HACD3: variants seen among roughly 807,000 people sequenced by gnomAD.
HACD3 encodes 3-hydroxyacyl-CoA dehydratase 3.
HACD3 carries 30 observed loss-of-function variants against 55.2 expected under a neutral mutation model. The ratio of observed to expected loss-of-function variants is 0.54; its 90% CI spans 0.41 to 0.74. HACD3 has a LOEUF of 0.74. Among genes scored for constraint, HACD3 ranks in the 30% least tolerant of loss-of-function variants. HACD3 has a pLI of 0.00. For synonymous variants in HACD3, 141 were observed against 151.7 expected (o/e 0.93, Z 0.52); for missense variants, 363 against 440.1 (o/e 0.82, Z 1.57).
At chr15:65,558,770 TG>T (rs764805225) in intron 5 of HACD3, 39 bp downstream of exon 5, 3 of 1,567,552 alleles carry the variant, frequency 1.9e-6, no homozygotes, top group South Asian at 2.3e-5. Context: ...CCAGTTAACT[TG>T]TGCTAGTGTT....
intron 4 of HACD3, among the ~76,000 whole-genome samples, chr15:65,557,557 A>C (rs1006296936): frequency 6.6e-6 from 1 of 151,696 alleles, no homozygotes; most frequent in Non-Finnish European, 1.5e-5. Context: ...GGTGACGCTT[A>C]TCAGGTTTCT....
intron 1 of HACD3, among the ~76,000 whole-genome samples, chr15:65,541,533 G>A (rs1366072413): frequency 2.0e-5 from 3 of 152,178 alleles, no homozygotes; most frequent in Non-Finnish European, 4.4e-5. Flanking sequence ...ATAGGATTTG[G>A]GCTTTGATTA....
chr15:65,556,807 G>A lies in HACD3; in HGVS notation c.273G>A (p.Glu91=), dbSNP rs893016777. The change falls in exon 4 of 11, where the codon GAG becomes GAA. Residue 91 remains glutamate (E), a synonymous_variant. Transcript: ENST00000261875. ...TVQKKVSQWW[E]RLTKQEKRPL... is the part of the protein sequence containing the mutation. ...AGAAGAAAGTGAGTCAGTGGTGGGA[G>A]AGACTCACAAAGCAGGAAAAGCGAC... 4 of 1,612,234 alleles carry A rather than the reference G, an allele frequency of 2.5e-6. No homozygotes were observed. In the African/African-American group the frequency reaches 5.3e-5, roughly 22 times the overall value.
At chr15:65,537,935 A>G (rs1356421083) in intron 1 of HACD3, among the ~76,000 whole-genome samples, 22 of 11,294 alleles carry the variant, frequency 1.9e-3, no homozygotes, top group East Asian at 6.0e-3. Context: ...AACTTCTCAG[A>G]AAAAAAAAAA....
At chr15:65,532,282 T>C (rs766550459) in intron 1 of HACD3, among the ~76,000 whole-genome samples, 4 of 152,078 alleles carry the variant, frequency 2.6e-5, no homozygotes, top group Non-Finnish European at 4.4e-5. Context: ...CTTTTGTAGA[T>C]GGGGATCAAA....
intron 4 of HACD3, among the ~76,000 whole-genome samples, chr15:65,557,657 G>T (rs185659478): frequency 1.9e-4 from 29 of 152,230 alleles, no homozygotes; most frequent in Admixed American, 1.7e-3. Context: ...TATGCTTCCT[G>T]TCCTTTAGAT....
intron 1 of HACD3, among the ~76,000 whole-genome samples, chr15:65,550,400 A>G (rs1226913432): frequency 6.6e-6 from 1 of 152,148 alleles, no homozygotes; most frequent in African/African-American, 2.4e-5. Flanking sequence ...AATATTAAAC[A>G]AGTTCATATC....
intron 5 of HACD3, among the ~76,000 whole-genome samples, chr15:65,561,249 C>T (rs931000951): frequency 1.3e-5 from 2 of 152,078 alleles, no homozygotes; most frequent in African/African-American, 2.4e-5. Context: ...GGCAGATCAC[C>T]TGAGGTTAGG....
intron 7 of HACD3, chr15:65,566,139 T>TCA (rs2072288600): frequency 6.6e-6 from 1 of 152,290 alleles, no homozygotes; most frequent in African/African-American, 2.4e-5. Flanking sequence ...ATTGTTCATA[T>TCA]CACTATCAGC....
At chr15:65,553,701 T>A (rs920732766) in intron 2 of HACD3, among the ~76,000 whole-genome samples, 2 of 152,238 alleles carry the variant, frequency 1.3e-5, no homozygotes, top group African/African-American at 4.8e-5. Context: ...AGACCTTATA[T>A]ACTGTCCTAC....
intron 10 of HACD3, among the ~76,000 whole-genome samples, chr15:65,575,552 T>C (rs1307233608): frequency 6.6e-6 from 1 of 152,044 alleles, no homozygotes; most frequent in Non-Finnish European, 1.5e-5. Context: ...GTGCATTTCA[T>C]TGTAAATTTT....
chr15:65,537,954 AAAAAATATATATATATATATATATATAT>A lies in HACD3; in HGVS notation c.87+7238_87+7265del, dbSNP rs1183133033. The stretch of plus-strand genomic sequence containing the variant: ...TCTCAGAAAAAAAAAAAAAAAAAAA[AAAAAATATATATATATATATATATATAT>A]ATATATATATATATATATGTATATT... On this transcript the variant is annotated intron_variant, in intron 1 of 10. Coordinates refer to ENST00000261875, the MANE Select transcript of HACD3 (RefSeq NM_016395.4). Among the ~76,000 whole-genome samples the A allele has an allele frequency of 7.2e-3, 59 of 8,212 alleles. 2 individuals carry two copies. The highest frequency in any genetic ancestry group is 0.063 in the South Asian group (17 of 268). 5.4% of individuals were successfully genotyped at this position (8,212 alleles called of 152,430 possible). A position where few individuals can be genotyped will look rare whatever the true frequency, so the allele number is the denominator to read the frequency against.
At chr15:65,566,041 A>C (rs2072287710) in intron 7 of HACD3, 2 of 152,230 alleles carry the variant, frequency 1.3e-5, no homozygotes, top group Non-Finnish European at 2.9e-5. Flanking sequence ...TCTTTGCTAA[A>C]ATATAACAAG....
chr15:65,544,845 A>G (rs2072058263), intron 1 of HACD3, among the ~76,000 whole-genome samples: 1 of 152,076 alleles, frequency 6.6e-6, no homozygotes, highest in Non-Finnish European at 1.5e-5. Context: ...AACATGGAGA[A>G]ACCCTGTCTC....
chr15:65,572,095 A>G (rs2072353788), intron 9 of HACD3, 140 bp from the exon 10 acceptor site: 17 of 1,075,430 alleles, frequency 1.6e-5, no homozygotes, highest in Non-Finnish European at 2.2e-5. Context: ...AAGGAGAGGC[A>G]TGAGCTTTCT....
chr15:65,530,731 T>C lies in HACD3; in HGVS notation c.87+13T>C, dbSNP rs2071888400. ...GAGTGACGTACAGGTAAAGGCCGGG[T>C]CGGGCGGCGGGAAGCGCGCGGGATC... On this transcript the variant is annotated intron_variant, in intron 1 of 10. Transcript: ENST00000261875. The C allele has an allele frequency of 1.3e-6, 2 of 1,537,570 alleles. No homozygotes were observed. The highest frequency in any genetic ancestry group is 8.8e-7 in the Non-Finnish European group (1 of 1,140,692).
chr15:65,552,526 G>C (rs1169341782), intron 2 of HACD3, among the ~76,000 whole-genome samples: 1 of 151,980 alleles, frequency 6.6e-6, no homozygotes, highest in African/African-American at 2.4e-5. Flanking sequence ...AGTAGAGACA[G>C]GGTTTCACTA....
chr15:65,573,118 C>G (rs1217286974), intron 10 of HACD3, among the ~76,000 whole-genome samples: 1 of 151,766 alleles, frequency 6.6e-6, no homozygotes, highest in Non-Finnish European at 1.5e-5. Flanking sequence ...TGTCATAAAG[C>G]CTTCCACCTC....
intron 5 of HACD3, among the ~76,000 whole-genome samples, chr15:65,561,865 C>T (rs530522442): frequency 9.4e-4 from 143 of 152,298 alleles, no homozygotes; most frequent in African/African-American, 3.3e-3. Flanking sequence ...CTGTAAATTA[C>T]GGTTCCCACA....
Sources: gnomAD v4.1 joint callset for allele counts (sites outside exome capture counted in the v4.1 genomes callset) on GRCh38, gnomAD v4.1.1 for gene constraint, MANE v1.5 for transcripts, NCBI Gene and HGNC (gene_info 2026-07-23, HGNC 2026-07-21) for gene names.